SNTG1: variants seen among roughly 807,000 people sequenced by gnomAD.
SNTG1 encodes gamma-1-syntrophin.
Under a neutral mutation model 74.7 loss-of-function variants are expected in SNTG1, and 39 were observed. The observed-to-expected ratio is 0.52, with a 90% CI of 0.40 to 0.68. The LOEUF (loss-of-function observed/expected upper bound fraction) is 0.68, where lower values mean the gene tolerates loss of function less well. Among genes scored for constraint, SNTG1 ranks in the 30% least tolerant of loss-of-function variants. The pLI is 0.00. For synonymous variants in SNTG1, 254 were observed against 217.1 expected (o/e 1.17, Z -1.49); for missense variants, 685 against 609.5 (o/e 1.12, Z -1.30).
chr8:50,151,325 G>A (rs1180739135), intron 1 of SNTG1, among the ~76,000 whole-genome samples: 2 of 152,020 alleles, frequency 1.3e-5, no homozygotes, highest in Non-Finnish European at 2.9e-5. Flanking sequence ...AGTCTTGCTA[G>A]TGGTCTATCA....
chr8:50,269,748 AAC>A (rs542586150), intron 2 of SNTG1, among the ~76,000 whole-genome samples: 27 of 152,284 alleles, frequency 1.8e-4, no homozygotes, highest in African/African-American at 5.8e-4. Context: ...AGAGAAAAAA[AAC>A]AGAGTTTTTT....
intron 4 of SNTG1, among the ~76,000 whole-genome samples, chr8:50,437,357 T>C (rs1003436670): frequency 4.6e-5 from 7 of 152,178 alleles, no homozygotes; most frequent in Non-Finnish European, 1.5e-5. Flanking sequence ...TATTTTGTTC[T>C]ATTTATAGAA....
intron 5 of SNTG1, among the ~76,000 whole-genome samples, chr8:50,439,700 AT>A (rs150316160): frequency 3.0e-5 from 4 of 134,710 alleles, no homozygotes; most frequent in Admixed American, 7.5e-5. Flanking sequence ...AATAAATGAG[AT>A]TTTTTTTTGT....
At chr8:49,958,617 C>T (rs1810399202) in intron 1 of SNTG1, among the ~76,000 whole-genome samples, 2 of 152,118 alleles carry the variant, frequency 1.3e-5, no homozygotes, top group South Asian at 4.1e-4. Context: ...GACAAGGTTT[C>T]ACCATGTTGG....
At chr8:50,740,546 A>G (rs1452500694) in intron 17 of SNTG1, among the ~76,000 whole-genome samples, 2 of 152,046 alleles carry the variant, frequency 1.3e-5, no homozygotes, top group African/African-American at 2.4e-5. Context: ...TGGTGGGAGT[A>G]TAAATTAGTT....
In SNTG1 at chr8:50,704,767, G is replaced by T. The variant is rs2095438006; in HGVS notation, c.1191+15G>T. 2 of 1,613,654 alleles carry T rather than the reference G, an allele frequency of 1.2e-6. No homozygotes were observed. Among genetic ancestry groups the T allele is most frequent in the Middle Eastern group, 1.7e-4 (1 of 6,058 alleles). On this transcript the variant is annotated intron_variant, in intron 16 of 18. Transcript: ENST00000642720. The stretch of plus-strand genomic sequence containing the variant: ...AACGGATACAGGTGAGAGTCTGTGG[G>T]ACTGCAGGATGTGTGGCTCCCTCAG...
intron 17 of SNTG1, among the ~76,000 whole-genome samples, chr8:50,750,370 T>C (rs554733201): frequency 1.6e-4 from 24 of 152,178 alleles, no homozygotes; most frequent in Admixed American, 5.9e-4. Flanking sequence ...ATGCTGTGAA[T>C]ATTGTTGAAA....
intron 1 of SNTG1, among the ~76,000 whole-genome samples, chr8:50,035,878 G>A (rs1486769106): frequency 6.6e-6 from 1 of 152,106 alleles, no homozygotes; most frequent in Non-Finnish European, 1.5e-5. Context: ...TCGGACAGAT[G>A]TCCAAGCACA....
intron 8 of SNTG1, among the ~76,000 whole-genome samples, chr8:50,484,092 CTT>C (rs2093763442): frequency 2.7e-5 from 4 of 146,674 alleles, no homozygotes; most frequent in Non-Finnish European, 6.0e-5. Context: ...TTCTTTCTCT[CTT>C]TCTTTCTCTC....
At chr8:50,436,868 G>A (rs1459913103) in intron 4 of SNTG1, among the ~76,000 whole-genome samples, 1 of 151,972 alleles carries the variant, frequency 6.6e-6, no homozygotes, top group Non-Finnish European at 1.5e-5. Flanking sequence ...TTTTGTATAT[G>A]CAGCCCTGTT....
intron 1 of SNTG1, among the ~76,000 whole-genome samples, chr8:50,030,977 T>A (rs989502738): frequency 6.6e-6 from 1 of 151,970 alleles, no homozygotes. Context: ...GGATGTGGCA[T>A]TTTTTAATTT....
In SNTG1 at chr8:50,449,911, C is replaced by A. The variant is rs562954736; in HGVS notation, c.277+186C>A. Among the ~76,000 whole-genome samples the A allele has an allele frequency of 3.3e-5, 5 of 152,254 alleles. No homozygotes were observed. In the East Asian group the frequency reaches 9.7e-4, roughly 29 times the overall value. On this transcript the variant is annotated intron_variant, in intron 6 of 18. Coordinates refer to ENST00000642720, the MANE Select transcript of SNTG1 (RefSeq NM_018967.5). ...TTTATCCTCCTGTGGGAGAGGACTT[C>A]TCTCACAGAAGGGGAACAAGGCTGA...
intron 1 of SNTG1, among the ~76,000 whole-genome samples, chr8:49,981,665 T>A (rs1046499012): frequency 6.6e-6 from 1 of 152,202 alleles, no homozygotes; most frequent in South Asian, 2.1e-4. Flanking sequence ...TAAAAGTGAA[T>A]CATTTTATCA....
intron 15 of SNTG1, among the ~76,000 whole-genome samples, chr8:50,701,601 T>TTCTTCTTCTTCTTCTTCC (rs1563761286): frequency 1.4e-5 from 2 of 140,370 alleles, no homozygotes; most frequent in African/African-American, 5.5e-5. Flanking sequence ...CTTCTTCTTC[T>TTCTTCTTCTTCTTCTTCC]TCTTCTTCTT....
chr8:50,368,726 G>T (rs1311864271), intron 2 of SNTG1, among the ~76,000 whole-genome samples: 1 of 152,118 alleles, frequency 6.6e-6, no homozygotes, highest in Non-Finnish European at 1.5e-5. Flanking sequence ...AATGGTTGGG[G>T]TTGTCCTACA....
chr8:50,711,201 A>G (rs184956430), intron 17 of SNTG1, among the ~76,000 whole-genome samples: 35 of 152,344 alleles, frequency 2.3e-4, no homozygotes, highest in Middle Eastern at 3.4e-3. Context: ...TACAAATCAA[A>G]ACATGCTTTG....
At chr8:50,470,531 CT>C (rs1280204616) in intron 8 of SNTG1, among the ~76,000 whole-genome samples, 1 of 152,136 alleles carries the variant, frequency 6.6e-6, no homozygotes, top group Non-Finnish European at 1.5e-5. Flanking sequence ...AGTGTTACAG[CT>C]CTTAAAGGTG....
intron 2 of SNTG1, among the ~76,000 whole-genome samples, chr8:50,367,042 AG>A: frequency 6.6e-6 from 1 of 151,536 alleles, no homozygotes; most frequent in Admixed American, 6.6e-5. Context: ...ACCATCAAAG[AG>A]ATCTCAACAG....
chr8:50,543,133 T>A (rs2094360360), intron 11 of SNTG1, among the ~76,000 whole-genome samples: 1 of 152,202 alleles, frequency 6.6e-6, no homozygotes, highest in African/African-American at 2.4e-5. Context: ...TTTGACGTCT[T>A]ACAGAAAACA....
Sources: gnomAD v4.1 joint callset for allele counts (sites outside exome capture counted in the v4.1 genomes callset) on GRCh38, gnomAD v4.1.1 for gene constraint, MANE v1.5 for transcripts, NCBI Gene and HGNC (gene_info 2026-07-23, HGNC 2026-07-21) for gene names.